Variants in PCBP3 observed in about 807,000 individuals in gnomAD.
The protein encoded by PCBP3 is poly(rC)-binding protein 3.
PCBP3 carries 25 observed loss-of-function variants against 52.7 expected under a neutral mutation model. That is an observed-to-expected ratio of 0.47 (90% confidence interval 0.35 to 0.66). The LOEUF (loss-of-function observed/expected upper bound fraction) is 0.66, where lower values mean the gene tolerates loss of function less well. PCBP3 is among the 30% of genes least tolerant of loss of function. PCBP3 has a pLI of 0.01. For missense variants in PCBP3, 391 were observed against 490.3 expected, an observed-to-expected ratio of 0.80 and a Z score of 1.91; for synonymous variants, 162 against 183.0, an observed-to-expected ratio of 0.89 and a Z score of 0.93.
chr21:45,873,676 CT>C (rs1281473056), intron 5 of PCBP3, among the ~76,000 whole-genome samples: 4 of 152,220 alleles, frequency 2.6e-5, no homozygotes, highest in African/African-American at 9.6e-5. Flanking sequence ...GGACCACGCG[CT>C]GGGTACTGAA....
At chr21:45,697,354 T>C (rs950958703) in intron 2 of PCBP3, among the ~76,000 whole-genome samples, 36 of 152,244 alleles carry the variant, frequency 2.4e-4, no homozygotes, top group Admixed American at 2.0e-3. Flanking sequence ...AATATCTTTC[T>C]AAATTTATGC....
At chr21:45,806,883 A>G (rs918949993) in intron 4 of PCBP3, among the ~76,000 whole-genome samples, 10 of 151,948 alleles carry the variant, frequency 6.6e-5, no homozygotes, top group Non-Finnish European at 1.5e-5. Flanking sequence ...TTCTCATCAG[A>G]TGCTCCGAGC....
Position 45,941,876 on chromosome 21 carries a change from T to C in PCBP3, c.*170T>C. 1 of 500,590 alleles carries C rather than the reference T, an allele frequency of 2.0e-6. No homozygotes were observed. Among genetic ancestry groups the C allele is most frequent in the Non-Finnish European group, 3.5e-6 (1 of 287,020 alleles). The allele number at this position is 500,590 out of a possible 1,614,324, so 31.0% of individuals were successfully genotyped here. A position where few individuals can be genotyped will look rare whatever the true frequency, so the allele number is the denominator to read the frequency against. ...GAAACACACCCGCGCACACAGCTGCTCTCTACAGAGGCTGCAGGCTCCGCC... is the reference window on the plus strand; with the variant it reads ...GAAACACACCCGCGCACACAGCTGCCCTCTACAGAGGCTGCAGGCTCCGCC... On this transcript the variant is annotated 3_prime_UTR_variant, in exon 18 of 18. Transcript: ENST00000681687.
chr21:45,879,041 A>G (rs2095337110), intron 5 of PCBP3, among the ~76,000 whole-genome samples: 1 of 152,172 alleles, frequency 6.6e-6, no homozygotes, highest in South Asian at 2.1e-4. Context: ...GCTGGAGTGC[A>G]GTGGTGCAAT....
Position 45,917,434 on chromosome 21 carries a change from G to A in PCBP3, c.676-154G>A. The stretch of plus-strand genomic sequence containing the variant: ...CCCTGGGGCTCCTGGTGCCCTGGGA[G>A]GGTTGGCCCTTTGTCCTAGGATGGG... On this transcript the variant is annotated intron_variant, in intron 12 of 17. Transcript: ENST00000681687. The surrounding 1 kb of genome is among the most constrained non-coding windows in gnomAD (Gnocchi z 5.3). 1 of 634,938 alleles carries A rather than the reference G, an allele frequency of 1.6e-6. No individual in the cohort carries two copies. The highest frequency in any genetic ancestry group is 2.8e-6 in the Non-Finnish European group (1 of 357,826). 39.3% of individuals were successfully genotyped at this position (634,938 alleles called of 1,614,324 possible).
intron 4 of PCBP3, among the ~76,000 whole-genome samples, chr21:45,764,590 G>A (rs2089108742): frequency 6.6e-6 from 1 of 152,182 alleles, no homozygotes; most frequent in Non-Finnish European, 1.5e-5. Flanking sequence ...TTCAGCTGCA[G>A]GCTGAAGGCA....
At chr21:45,745,469 T>C (rs1414779820) in intron 3 of PCBP3, among the ~76,000 whole-genome samples, 1 of 152,252 alleles carries the variant, frequency 6.6e-6, no homozygotes, top group Admixed American at 6.5e-5. Context: ...GTGTGGTTTC[T>C]GTCTCTTGCT....
chr21:45,724,285 G>A lies in PCBP3; in HGVS notation c.-199-11107G>A, dbSNP rs768402748. The stretch of plus-strand genomic sequence containing the variant: ...ATTCCTAGGAGCTGCATTTCCAGGG[G>A]TGTCCAGCTGTGACCCACCCCGCCC... On this transcript the variant is annotated intron_variant, in intron 2 of 17. Coordinates refer to ENST00000681687, the MANE Select transcript of PCBP3 (RefSeq NM_001384156.1). The surrounding 1 kb of genome is among the most constrained non-coding windows in gnomAD (Gnocchi z 5.3). 4.5e-4 allele frequency among the ~76,000 whole-genome samples: 69 copies of A among 152,288 alleles called. No homozygotes were observed. The highest frequency in any genetic ancestry group is 4.0e-4 in the Non-Finnish European group (27 of 68,020).
rs906877602 is a variant in PCBP3, at chr21:45,821,363, C to T, written c.-125-28598C>T. 3.9e-4 allele frequency among the ~76,000 whole-genome samples: 59 copies of T among 151,998 alleles called. No homozygotes were observed. The highest frequency in any genetic ancestry group is 1.3e-3 in the African/African-American group (52 of 41,458). ...GGTCCTCAACTGAGGTCCAGTACCC[C>T]CCTGCACCACGCTGTGGGCCCCGCA... is the stretch of plus-strand genomic sequence containing the variant. On this transcript the variant is annotated intron_variant, in intron 4 of 17. Coordinates refer to ENST00000681687, the MANE Select transcript of PCBP3 (RefSeq NM_001384156.1). The surrounding 1 kb of genome is among the most constrained non-coding windows in gnomAD (Gnocchi z 4.4).
intron 2 of PCBP3, among the ~76,000 whole-genome samples, chr21:45,729,277 C>G (rs2085282965): frequency 6.6e-6 from 1 of 152,200 alleles, no homozygotes; most frequent in Non-Finnish European, 1.5e-5. Flanking sequence ...TCCACTGATG[C>G]CTGTACCAGA....
chr21:45,892,669 C>T (rs2095707652), intron 5 of PCBP3, among the ~76,000 whole-genome samples: 1 of 152,190 alleles, frequency 6.6e-6, no homozygotes, highest in South Asian at 2.1e-4. Flanking sequence ...GGGCTGACCC[C>T]AAGGCTGTGG....
intron 2 of PCBP3, among the ~76,000 whole-genome samples, chr21:45,672,775 T>C (rs1221128468): frequency 2.6e-5 from 4 of 152,160 alleles, no homozygotes; most frequent in African/African-American, 9.7e-5. Context: ...TCAGAACATG[T>C]TCAGTCGCAT....
intron 3 of PCBP3, among the ~76,000 whole-genome samples, chr21:45,754,811 A>C (rs1053631758): frequency 1.3e-5 from 2 of 152,134 alleles, no homozygotes; most frequent in Non-Finnish European, 2.9e-5. Flanking sequence ...GCCATCTTTC[A>C]ATTTAAATAA....
At chr21:45,862,192 G>C (rs1335871266) in intron 5 of PCBP3, among the ~76,000 whole-genome samples, 2 of 142,920 alleles carry the variant, frequency 1.4e-5, no homozygotes, top group South Asian at 2.5e-4. Flanking sequence ...GGGGCGGGTG[G>C]GGGGACACGT....
rs909682377 is a variant in PCBP3, at chr21:45,735,654, C to T, written c.-162+225C>T. Among the ~76,000 whole-genome samples the T allele has an allele frequency of 6.6e-6, 1 of 152,194 alleles. No individual in the cohort carries two copies. The highest frequency in any genetic ancestry group is 1.5e-5 in the Non-Finnish European group (1 of 68,044). On this transcript the variant is annotated intron_variant, in intron 3 of 17. Coordinates refer to ENST00000681687, the MANE Select transcript of PCBP3 (RefSeq NM_001384156.1). This position sits in a 1 kb window ranked among gnomAD's most constrained non-coding sequence, Gnocchi z 4.0. ...GTTTTCCCTTCTTGCTTCTGTGGAA[C>T]CAAAATTTTAAAAGAGGCAGTTTCC...
rs1460026075 is a variant in PCBP3 at position 45,941,727 on chromosome 21, C to T, written c.*21C>T. On this transcript the variant is annotated 3_prime_UTR_variant, in exon 18 of 18. Coordinates refer to ENST00000681687, the MANE Select transcript of PCBP3 (RefSeq NM_001384156.1). ...TGTAATCCTACCCAGCACCCTTCCC[C>T]CGCGTCACCCACCTGCCAGAGCCTA... 1.3e-6 allele frequency: 2 copies of T among 1,595,266 alleles called. No individual in the cohort carries two copies. Among genetic ancestry groups the T allele is most frequent in the East Asian group, 2.3e-5 (1 of 43,730 alleles).
chr21:45,883,624 A>G (rs940796684), intron 5 of PCBP3, among the ~76,000 whole-genome samples: 2 of 152,224 alleles, frequency 1.3e-5, no homozygotes, highest in Admixed American at 6.5e-5. Context: ...TTTTATCATT[A>G]TGTAATGTCC....
intron 11 of PCBP3, among the ~76,000 whole-genome samples, chr21:45,913,399 G>A (rs1005379410): frequency 2.6e-5 from 4 of 152,280 alleles, no homozygotes; most frequent in East Asian, 1.9e-4. Context: ...TATAGGTCCC[G>A]GTGGAGTCCT....
chr21:45,833,299 G>A (rs1176930439), intron 4 of PCBP3, among the ~76,000 whole-genome samples: 1 of 152,220 alleles, frequency 6.6e-6, no homozygotes, highest in African/African-American at 2.4e-5. Context: ...GACTTTGCTT[G>A]CGGGTTACTT....
Sources: gnomAD v4.1 joint callset for allele counts (sites outside exome capture counted in the v4.1 genomes callset) on GRCh38, gnomAD v4.1.1 for gene constraint, Gnocchi (gnomAD v3.1) non-coding constraint, MANE v1.5 for transcripts, NCBI Gene and HGNC (gene_info 2026-07-23, HGNC 2026-07-21) for gene names.